Variants in PLCL1 observed in about 807,000 individuals in gnomAD.
PLCL1 encodes inactive phospholipase C-like protein 1.
In PLCL1, 41 loss-of-function variants were observed where a neutral mutation model predicts 84.4. The observed-to-expected ratio is 0.49, with a 90% confidence interval of 0.38 to 0.63. The LOEUF (loss-of-function observed/expected upper bound fraction) is 0.63. Among genes scored for constraint, PLCL1 ranks in the 30% least tolerant of loss-of-function variants. The pLI is 0.00. For missense variants in PLCL1, 1,206 were observed against 1,367.8 expected, an observed-to-expected ratio of 0.88 and a Z score of 1.87; for synonymous variants, 490 against 488.3, an observed-to-expected ratio of 1.00 and a Z score of -0.05.
At chr2:198,094,768 G>C (rs73063015) in intron 3 of PLCL1, among the ~76,000 whole-genome samples, 3,310 of 152,148 alleles carry the variant, frequency 0.022, 46 homozygotes, top group African/African-American at 0.04. Flanking sequence ...ACCAAGTCTG[G>C]GTAAGGTGAA....
intron 5 of PLCL1, among the ~76,000 whole-genome samples, chr2:198,114,319 C>A (rs1693689002): frequency 6.6e-6 from 1 of 151,680 alleles, no homozygotes; most frequent in Non-Finnish European, 1.5e-5. Context: ...ACTTTATCTC[C>A]AGTAGAACTA....
chr2:197,855,769 G>A (rs999964531), intron 1 of PLCL1, among the ~76,000 whole-genome samples: 1 of 151,952 alleles, frequency 6.6e-6, no homozygotes, highest in Non-Finnish European at 1.5e-5. Flanking sequence ...CTTTAACGGG[G>A]CCCATCCTGC....
At chr2:197,939,664 C>T (rs1689118172) in intron 1 of PLCL1, among the ~76,000 whole-genome samples, 1 of 151,364 alleles carries the variant, frequency 6.6e-6, no homozygotes, top group Admixed American at 6.6e-5. Context: ...TTACATAACC[C>T]ATCTCCAAAT....
chr2:197,933,865 A>C (rs144138687), intron 1 of PLCL1, among the ~76,000 whole-genome samples: 51 of 152,220 alleles, frequency 3.4e-4, no homozygotes, highest in African/African-American at 1.2e-3. Flanking sequence ...GTAAAGTCTT[A>C]CTTTCTTCCT....
chr2:198,049,246 A>G (rs979043248), intron 1 of PLCL1, among the ~76,000 whole-genome samples: 26 of 152,222 alleles, frequency 1.7e-4, no homozygotes, highest in Non-Finnish European at 1.0e-4. Context: ...GAGGGAAAGG[A>G]ACATCAAGTG....
At chr2:198,113,021 T>A (rs990613429) in intron 5 of PLCL1, among the ~76,000 whole-genome samples, 2 of 151,934 alleles carry the variant, frequency 1.3e-5, no homozygotes, top group African/African-American at 4.8e-5. Context: ...TTATTAAGCC[T>A]TATAAAGTGT....
At chr2:198,067,408 A>G (rs563710414) in intron 1 of PLCL1, among the ~76,000 whole-genome samples, 118 of 151,976 alleles carry the variant, frequency 7.8e-4, no homozygotes, top group Non-Finnish European at 1.3e-3. Flanking sequence ...GATTACAGGC[A>G]TGAGCCACCG....
At chr2:197,959,371 T>A (rs890144933) in intron 1 of PLCL1, among the ~76,000 whole-genome samples, 1 of 152,012 alleles carries the variant, frequency 6.6e-6, no homozygotes, top group Non-Finnish European at 1.5e-5. Flanking sequence ...TTCTACTGAT[T>A]GGATAAGACC....
At chr2:198,039,590 C>T (rs1292736242) in intron 1 of PLCL1, among the ~76,000 whole-genome samples, 1 of 152,168 alleles carries the variant, frequency 6.6e-6, no homozygotes, top group African/African-American at 2.4e-5. Context: ...CTTCTTGAGC[C>T]TCCTTCTTGG....
intron 1 of PLCL1, among the ~76,000 whole-genome samples, chr2:198,047,041 A>G (rs1691821310): frequency 6.6e-6 from 1 of 152,094 alleles, no homozygotes; most frequent in African/African-American, 2.4e-5. Flanking sequence ...ATATAGTTAT[A>G]TGGTTGTATC....
chr2:197,934,180 C>A (rs1220774194), intron 1 of PLCL1, among the ~76,000 whole-genome samples: 3 of 152,236 alleles, frequency 2.0e-5, no homozygotes, highest in South Asian at 2.1e-4. Context: ...GGTTTGCCAG[C>A]AAGTTTTTTT....
chr2:197,851,626 A>T (rs1687239903), intron 1 of PLCL1, among the ~76,000 whole-genome samples: 1 of 152,328 alleles, frequency 6.6e-6, no homozygotes, highest in Non-Finnish European at 1.5e-5. Flanking sequence ...GGAACTGGGG[A>T]AAGTAGTGAA....
chr2:198,055,249 CTT>C (rs1252153773), intron 1 of PLCL1, among the ~76,000 whole-genome samples: 2 of 150,626 alleles, frequency 1.3e-5, no homozygotes, highest in Non-Finnish European at 3.0e-5. Flanking sequence ...GATTTAAACT[CTT>C]AAACCCATAA....
chr2:197,988,261 G>C (rs1230834698), intron 1 of PLCL1, among the ~76,000 whole-genome samples: 1 of 152,172 alleles, frequency 6.6e-6, no homozygotes, highest in African/African-American at 2.4e-5. Context: ...GGCTTTTGAG[G>C]TACAGTGGTT....
At chr2:198,076,043 T>C (rs949327683) in intron 1 of PLCL1, among the ~76,000 whole-genome samples, 3 of 152,252 alleles carry the variant, frequency 2.0e-5, no homozygotes, top group Non-Finnish European at 4.4e-5. Context: ...TAATCACTTT[T>C]ATTTAGATTG....
At chr2:197,951,404 G>A (rs1037533307) in intron 1 of PLCL1, among the ~76,000 whole-genome samples, 1 of 152,130 alleles carries the variant, frequency 6.6e-6, no homozygotes, top group African/African-American at 2.4e-5. Context: ...AGTGGACTGT[G>A]CAGGTTGGGT....
chr2:198,142,287 C>T (rs1694407056), intron 5 of PLCL1, among the ~76,000 whole-genome samples: 1 of 151,970 alleles, frequency 6.6e-6, no homozygotes, highest in Non-Finnish European at 1.5e-5. Flanking sequence ...TGTATTTGAA[C>T]TGGTTTACGT....
intron 1 of PLCL1, among the ~76,000 whole-genome samples, chr2:198,015,708 A>T (rs1395820441): frequency 6.6e-6 from 1 of 152,156 alleles, no homozygotes; most frequent in Non-Finnish European, 1.5e-5. Flanking sequence ...ATACTTACAT[A>T]TGTGATATGC....
intron 5 of PLCL1, among the ~76,000 whole-genome samples, chr2:198,108,875 G>T (rs999443756): frequency 2.0e-5 from 3 of 151,806 alleles, no homozygotes; most frequent in African/African-American, 7.2e-5. Context: ...CAGTCAATTT[G>T]CTCTTCCTTT....
Sources: gnomAD v4.1 joint callset for allele counts (sites outside exome capture counted in the v4.1 genomes callset) on GRCh38, gnomAD v4.1.1 for gene constraint, MANE v1.5 for transcripts, NCBI Gene and HGNC (gene_info 2026-07-23, HGNC 2026-07-21) for gene names.